FAM171A1: variants seen among roughly 807,000 people sequenced by gnomAD.
FAM171A1 encodes the protein family with sequence similarity 171 member A1.
FAM171A1 carries 23 observed loss-of-function variants against 74.9 expected under a neutral mutation model. The ratio of observed to expected loss-of-function variants is 0.31; its 90% CI spans 0.22 to 0.44. The LOEUF is 0.44. FAM171A1 is among the 20% of genes least tolerant of loss of function. The pLI is 1.00. For synonymous variants in FAM171A1, 527 were observed against 505.7 expected (o/e 1.04, Z -0.57); for missense variants, 1,162 against 1,159.2 (o/e 1.00, Z -0.03).
chr10:15,319,298 A>G (rs962699718), intron 1 of FAM171A1, among the ~76,000 whole-genome samples: 6 of 152,260 alleles, frequency 3.9e-5, no homozygotes, highest in African/African-American at 1.2e-4. Context: ...CCCTCCCCCA[A>G]TTACTAAGTG....
At chr10:15,268,562 C>A (rs1446806511) in intron 3 of FAM171A1, among the ~76,000 whole-genome samples, 1 of 151,966 alleles carries the variant, frequency 6.6e-6, no homozygotes, top group Non-Finnish European at 1.5e-5. Flanking sequence ...AGGTGCCTGA[C>A]AGGCCTCCAA....
intron 1 of FAM171A1, among the ~76,000 whole-genome samples, chr10:15,341,827 C>A (rs560151087): frequency 1.4e-4 from 22 of 152,330 alleles, no homozygotes; most frequent in African/African-American, 5.1e-4. Context: ...ACATCACTGC[C>A]TAGACAGAGG....
intron 1 of FAM171A1, among the ~76,000 whole-genome samples, chr10:15,319,428 G>C (rs901737969): frequency 5.3e-5 from 8 of 151,304 alleles, no homozygotes; most frequent in Non-Finnish European, 1.2e-4. Context: ...ATAGTCCAGG[G>C]ATTTTTTTTA....
intron 1 of FAM171A1, among the ~76,000 whole-genome samples, chr10:15,362,562 A>G (rs1363607192): frequency 6.6e-6 from 1 of 152,158 alleles, no homozygotes; most frequent in Non-Finnish European, 1.5e-5. Context: ...CATCTCTACT[A>G]AAAATACAAA....
chr10:15,371,915 T>G (rs1836154867), upstream of FAM171A1, among the ~76,000 whole-genome samples: 4 of 151,956 alleles, frequency 2.6e-5, 1 homozygote, highest in South Asian at 8.3e-4. Context: ...AAAGGTTGGG[T>G]TCAACTCTGA....
At chr10:15,313,636 T>C (rs1455949705) in intron 1 of FAM171A1, among the ~76,000 whole-genome samples, 3 of 152,212 alleles carry the variant, frequency 2.0e-5, no homozygotes, top group African/African-American at 7.2e-5. Flanking sequence ...CGTGAGTTTT[T>C]GCAGATTTCC....
At chr10:15,252,383 G>A (rs1343245699) in intron 4 of FAM171A1, among the ~76,000 whole-genome samples, 1 of 152,106 alleles carries the variant, frequency 6.6e-6, no homozygotes, top group South Asian at 2.1e-4. Flanking sequence ...CTGAACTCTG[G>A]TTATGACGCT....
chr10:15,351,083 C>T (rs182173225), intron 1 of FAM171A1, among the ~76,000 whole-genome samples: 1 of 152,300 alleles, frequency 6.6e-6, no homozygotes, highest in East Asian at 1.9e-4. Context: ...CTGCTTCACT[C>T]GTTCTCTTTT....
intron 1 of FAM171A1, among the ~76,000 whole-genome samples, chr10:15,321,056 T>C (rs1379438637): frequency 6.6e-6 from 1 of 152,208 alleles, no homozygotes; most frequent in Non-Finnish European, 1.5e-5. Flanking sequence ...ATTTGACATC[T>C]GGTCATTTGG....
rs1835304640 is a variant in FAM171A1, at chr10:15,307,083, CTGCTTCTATG to C, written c.98-22988_98-22979del. Among the ~76,000 whole-genome samples the C allele has an allele frequency of 2.0e-5, 3 of 152,190 alleles. No individual in the cohort carries two copies. In the South Asian group the frequency reaches 6.2e-4, roughly 31 times the overall value. On this transcript the variant is annotated intron_variant, in intron 1 of 7. Coordinates refer to ENST00000378116, the MANE Select transcript of FAM171A1 (RefSeq NM_001010924.2). Reference sequence around the variant, plus strand: ...GCTCTCTGTTGGGTGACCTTATTTCCTGCTTCTATGTGCTGACCCAGGAGCATGAGGATGA... The same window carrying C: ...GCTCTCTGTTGGGTGACCTTATTTCCTGCTGACCCAGGAGCATGAGGATGA...
chr10:15,285,990 C>G (rs1289494509), intron 1 of FAM171A1, among the ~76,000 whole-genome samples: 1 of 152,220 alleles, frequency 6.6e-6, no homozygotes, highest in Non-Finnish European at 1.5e-5. Flanking sequence ...AGCCATGTAG[C>G]CTTGGGCAGT....
At chr10:15,299,474 C>T (rs921418124) in intron 1 of FAM171A1, among the ~76,000 whole-genome samples, 1 of 148,388 alleles carries the variant, frequency 6.7e-6, no homozygotes, top group African/African-American at 2.4e-5. Context: ...TATGCATTTA[C>T]AGTTTTTGTT....
chr10:15,253,578 T>C (rs1404405087), intron 4 of FAM171A1, among the ~76,000 whole-genome samples: 1 of 152,206 alleles, frequency 6.6e-6, no homozygotes, highest in East Asian at 1.9e-4. Context: ...AACTTATTAA[T>C]ATGCTACAAA....
At chr10:15,249,290 T>C (rs983222522) in intron 4 of FAM171A1, among the ~76,000 whole-genome samples, 1 of 152,056 alleles carries the variant, frequency 6.6e-6, no homozygotes. Flanking sequence ...AAGATGGGGT[T>C]TTGCCATATT....
chr10:15,253,490 TAAA>T (rs1277198918), intron 4 of FAM171A1, among the ~76,000 whole-genome samples: 1 of 152,100 alleles, frequency 6.6e-6, no homozygotes. Context: ...ACACAAAAAT[TAAA>T]GAAGAAACGT....
intron 1 of FAM171A1, among the ~76,000 whole-genome samples, chr10:15,312,714 T>TTTTG (rs1835378182): frequency 1.0e-5 from 1 of 99,164 alleles, no homozygotes; most frequent in Non-Finnish European, 2.0e-5. Context: ...TTTTTTTTTT[T>TTTTG]GAGACGATAT....
In FAM171A1 at chr10:15,338,355, G is replaced by C. The variant is rs146798413; in HGVS notation, c.97+32601C>G. Among the ~76,000 whole-genome samples the C allele has an allele frequency of 3.9e-3, 588 of 152,274 alleles. 1 individual carries two copies. Among genetic ancestry groups the C allele is most frequent in the African/African-American group, 0.013 (560 of 41,546 alleles). On this transcript the variant is annotated intron_variant, in intron 1 of 7. Coordinates refer to ENST00000378116, the MANE Select transcript of FAM171A1 (RefSeq NM_001010924.2). The stretch of plus-strand genomic sequence containing the variant: ...TAAAAATAAACAATATACATTATGT[G>C]CCTATCAAACTAAAAAATGAATACC...
chr10:15,308,694 C>A (rs1835325435), intron 1 of FAM171A1, among the ~76,000 whole-genome samples: 1 of 152,176 alleles, frequency 6.6e-6, no homozygotes, highest in East Asian at 1.9e-4. Context: ...AACAGGTTTT[C>A]CACTCCAAGC....
At chr10:15,231,166 G>T (rs1031105231) in intron 5 of FAM171A1, among the ~76,000 whole-genome samples, 2 of 152,184 alleles carry the variant, frequency 1.3e-5, no homozygotes, top group South Asian at 4.1e-4. Context: ...TGCAGGTTCT[G>T]ATCCAGAGGT....
Sources: allele counts gnomAD v4.1 joint callset (sites outside exome capture counted in the v4.1 genomes callset), GRCh38; gene constraint gnomAD v4.1.1; transcripts MANE v1.5; gene names NCBI Gene and HGNC (gene_info 2026-07-23, HGNC 2026-07-21).